Variants in GPC5 observed in about 807,000 individuals in gnomAD.
The protein encoded by GPC5 is glypican-5.
In GPC5, 47 loss-of-function variants were observed where a neutral mutation model predicts 53.9. That is an observed-to-expected ratio of 0.87 (90% CI 0.69 to 1.11). GPC5 has a LOEUF of 1.11. Among genes scored for constraint, GPC5 ranks in the 50% most tolerant of loss-of-function variants. GPC5 has a pLI of 0.00. For synonymous variants in GPC5, 286 were observed against 263.3 expected, an observed-to-expected ratio of 1.09 and a Z score of -0.84; for missense variants, 748 against 713.1, an observed-to-expected ratio of 1.05 and a Z score of -0.56.
chr13:91,841,943 A>G (rs1474374133), intron 5 of GPC5, among the ~76,000 whole-genome samples: 2 of 152,188 alleles, frequency 1.3e-5, no homozygotes, highest in African/African-American at 4.8e-5. Context: ...GCATCATAAA[A>G]GTTTCAGTTT....
chr13:92,290,909 G>C (rs34528231), intron 7 of GPC5, among the ~76,000 whole-genome samples: 1 of 152,116 alleles, frequency 6.6e-6, no homozygotes, highest in South Asian at 2.1e-4. Flanking sequence ...GGCGGAAACC[G>C]GGGCTGCGCA....
At position 92,004,328 on chromosome 13, in the gene GPC5, C is replaced by T. The variant is rs561156137; in HGVS notation, c.1401+96271C>T. On this transcript the variant is annotated intron_variant, in intron 6 of 7. Transcript: ENST00000377067. ...GATGTGGTGACGTGCGCCTGTAGTC[C>T]CAGCTACTCAGGAGGCTGAGGCAGG... Among the ~76,000 whole-genome samples, 7 of 150,226 alleles carry T rather than the reference C, an allele frequency of 4.7e-5. No homozygotes were observed. In the East Asian group the frequency reaches 1.4e-3, roughly 29 times the overall value.
At chr13:92,052,283 G>A (rs1302335234) in intron 6 of GPC5, among the ~76,000 whole-genome samples, 1 of 152,176 alleles carries the variant, frequency 6.6e-6, no homozygotes, top group Non-Finnish European at 1.5e-5. Context: ...CTTCTGGTGG[G>A]TTCTTGGTCT....
rs569131125 is a variant in GPC5, at chr13:92,302,314, A to AT, written c.1561+157331dup. Among the ~76,000 whole-genome samples, 748 of 152,238 alleles carry AT rather than the reference A, an allele frequency of 4.9e-3. 8 individuals carry two copies. The highest frequency in any genetic ancestry group is 0.017 in the African/African-American group (701 of 41,536). ...TAAAGGACCCTGATTGTTGACATTG[A>AT]TTTTTTAAAGTGATTCTATGCACGT... is the stretch of plus-strand genomic sequence containing the variant. On this transcript the variant is annotated intron_variant, in intron 7 of 7. Coordinates refer to ENST00000377067, the MANE Select transcript of GPC5 (RefSeq NM_004466.6).
intron 7 of GPC5, among the ~76,000 whole-genome samples, chr13:92,750,459 T>A (rs1889355636): frequency 6.6e-6 from 1 of 151,136 alleles, no homozygotes; most frequent in Non-Finnish European, 1.5e-5. Context: ...AGAAAAAAAA[T>A]GAAAAACAGG....
chr13:92,604,396 T>G (rs1884183832), intron 7 of GPC5, among the ~76,000 whole-genome samples: 1 of 152,112 alleles, frequency 6.6e-6, no homozygotes, highest in Non-Finnish European at 1.5e-5. Context: ...ACAAATAAAA[T>G]AAAAGACATA....
At position 92,068,644 on chromosome 13, in the gene GPC5, T is replaced by C. The variant is rs536122674; in HGVS notation, c.1402-76186T>C. On this transcript the variant is annotated intron_variant, in intron 6 of 7. Transcript: ENST00000377067. ...ATCTTTCATCAGATTAAATATTCCA[T>C]TCTATTCCTAGTTTGCATATTAAAA... Among the ~76,000 whole-genome samples the C allele has an allele frequency of 2.6e-5, 4 of 151,716 alleles. No homozygotes were observed. The South Asian group carries it at 6.2e-4, about 24-fold the overall frequency.
intron 4 of GPC5, among the ~76,000 whole-genome samples, chr13:91,741,584 T>C (rs946454183): frequency 1.3e-5 from 2 of 152,230 alleles, no homozygotes; most frequent in African/African-American, 4.8e-5. Context: ...GATAGATTCA[T>C]ATTAAATGGC....
chr13:92,236,260 A>T (rs192163479), intron 7 of GPC5, among the ~76,000 whole-genome samples: 100 of 152,222 alleles, frequency 6.6e-4, no homozygotes, highest in African/African-American at 2.3e-3. Flanking sequence ...ATTTGAAAAA[A>T]TCATAGACTC....
intron 7 of GPC5, among the ~76,000 whole-genome samples, chr13:92,861,215 G>T (rs1312511892): frequency 6.6e-6 from 1 of 151,960 alleles, no homozygotes; most frequent in African/African-American, 2.4e-5. Flanking sequence ...AATTTGCTTA[G>T]GATTTTCATT....
chr13:92,633,839 G>A (rs1428431830), intron 7 of GPC5, among the ~76,000 whole-genome samples: 7 of 151,984 alleles, frequency 4.6e-5, no homozygotes, highest in Admixed American at 4.6e-4. Context: ...TCACCATTAA[G>A]CGTAATGTTT....
Position 92,022,889 on chromosome 13 carries a change from TAAAC to T in GPC5, c.1401+114836_1401+114839del, listed in dbSNP as rs949713738. 1.2e-4 allele frequency among the ~76,000 whole-genome samples: 18 copies of T among 152,196 alleles called. 1 individual carries two copies. The highest frequency in any genetic ancestry group is 3.4e-3 in the Middle Eastern group (1 of 290). ...AATTACTCAAATATTTGTTAATTAT[TAAAC>T]AAATTAAGAAAGAGGAATGCTCTGT... On this transcript the variant is annotated intron_variant, in intron 6 of 7. Transcript: ENST00000377067.
intron 3 of GPC5, among the ~76,000 whole-genome samples, chr13:91,694,322 T>C (rs913849513): frequency 2.6e-5 from 4 of 152,228 alleles, no homozygotes; most frequent in African/African-American, 4.8e-5. Flanking sequence ...TGGGTAGTTA[T>C]TGTTAGAATT....
In GPC5 at chr13:91,728,688, AG is replaced by A. The variant is rs1462675752; in HGVS notation, c.1154+24del. 1.9e-6 allele frequency: 3 copies of A among 1,600,136 alleles called. No homozygotes were observed. In the Admixed American group the frequency reaches 5.2e-5, roughly 28 times the overall value. On this transcript the variant is annotated intron_variant, in intron 4 of 7. Transcript: ENST00000377067. ...AAAGTAAGACATTTGTTTTACAACCAGAAAGAGAAAAGAAAGTAAGCCATTA... is the reference window on the plus strand; with the variant it reads ...AAAGTAAGACATTTGTTTTACAACCAAAAGAGAAAAGAAAGTAAGCCATTA...
At chr13:91,505,250 T>A (rs1449579049) in intron 2 of GPC5, among the ~76,000 whole-genome samples, 1 of 152,060 alleles carries the variant, frequency 6.6e-6, no homozygotes. Flanking sequence ...TTACACATAG[T>A]TAAAATAGTA....
At chr13:92,499,507 C>G (rs1251927122) in intron 7 of GPC5, among the ~76,000 whole-genome samples, 1 of 152,066 alleles carries the variant, frequency 6.6e-6, no homozygotes, top group African/African-American at 2.4e-5. Context: ...CACCGAATAT[C>G]TAGCCAAAGT....
chr13:91,650,750 G>GTTTTTGTTTT (rs1491353283), intron 2 of GPC5, among the ~76,000 whole-genome samples: 26 of 99,600 alleles, frequency 2.6e-4, no homozygotes, highest in African/African-American at 8.5e-4. Context: ...ATTCCCATAA[G>GTTTTTGTTTT]TTTTTTTTTT....
chr13:92,508,008 G>A (rs1880434933), intron 7 of GPC5, among the ~76,000 whole-genome samples: 1 of 152,002 alleles, frequency 6.6e-6, no homozygotes, highest in South Asian at 2.1e-4. Flanking sequence ...TCTGTTGCCA[G>A]GCTGGAGTGC....
chr13:91,614,354 G>T (rs1030525852), intron 2 of GPC5, among the ~76,000 whole-genome samples: 2 of 152,094 alleles, frequency 1.3e-5, no homozygotes, highest in African/African-American at 2.4e-5. Flanking sequence ...TTGAGACAAG[G>T]TCTCACTCTG....
Sources: gnomAD v4.1 joint callset for allele counts (sites outside exome capture counted in the v4.1 genomes callset) on GRCh38, gnomAD v4.1.1 for gene constraint, MANE v1.5 for transcripts, NCBI Gene and HGNC (gene_info 2026-07-23, HGNC 2026-07-21) for gene names.